SLC25A21: variants seen among roughly 807,000 people sequenced by gnomAD.
SLC25A21 encodes the protein mitochondrial 2-oxodicarboxylate carrier.
In SLC25A21, 47 loss-of-function variants were observed where a neutral mutation model predicts 43.8. That is an observed-to-expected ratio of 1.07 (90% CI 0.85 to 1.37). The LOEUF (loss-of-function observed/expected upper bound fraction) is 1.37. SLC25A21 is among the 40% of genes most tolerant of loss of function. The pLI, the probability that SLC25A21 is intolerant of heterozygous loss-of-function variation, is 0.00. For synonymous variants in SLC25A21, 131 were observed against 121.3 expected, an observed-to-expected ratio of 1.08 and a Z score of -0.52; for missense variants, 352 against 350.2, an observed-to-expected ratio of 1.00 and a Z score of -0.04.
intron 1 of SLC25A21, among the ~76,000 whole-genome samples, chr14:37,068,901 G>A (rs1446467108): frequency 3.9e-5 from 6 of 152,112 alleles, no homozygotes; most frequent in African/African-American, 1.2e-4. Flanking sequence ...TTGGCCAGGC[G>A]CGGTGGCTCA....
intron 1 of SLC25A21, among the ~76,000 whole-genome samples, chr14:36,880,607 T>C (rs1231291888): frequency 3.3e-5 from 5 of 151,114 alleles, no homozygotes; most frequent in Admixed American, 6.7e-5. Context: ...AGTAAATTAA[T>C]GCTCATTAGG....
In SLC25A21 at chr14:37,172,084, G is replaced by C. The variant is rs770771332; in HGVS notation, c.70+197C>G. On this transcript the variant is annotated intron_variant, in intron 1 of 9. Coordinates refer to ENST00000331299, the MANE Select transcript of SLC25A21 (RefSeq NM_030631.4). ...CGCGGACGCCGAGGCAACTTTACTT[G>C]GGGCACCCACTACTCGCAATCAACT... is the stretch of plus-strand genomic sequence containing the variant. 164 of 571,678 alleles carry C rather than the reference G, an allele frequency of 2.9e-4. 3 individuals are homozygous for C. The highest frequency in any genetic ancestry group is 3.3e-5 in the Non-Finnish European group (11 of 328,756). 35.4% of individuals were successfully genotyped at this position (571,678 alleles called of 1,614,324 possible). A position where few individuals can be genotyped will look rare whatever the true frequency, so the allele number is the denominator to read the frequency against.
chr14:37,100,779 T>C (rs113579786), intron 1 of SLC25A21, among the ~76,000 whole-genome samples: 17 of 152,340 alleles, frequency 1.1e-4, no homozygotes, highest in African/African-American at 4.1e-4. Flanking sequence ...TCAGTCCACC[T>C]GCCTGGGCAA....
At chr14:37,135,821 G>A (rs959639709) in intron 1 of SLC25A21, among the ~76,000 whole-genome samples, 1 of 152,180 alleles carries the variant, frequency 6.6e-6, no homozygotes, top group South Asian at 2.1e-4. Flanking sequence ...CATGCGTTAC[G>A]TGACCTCCTC....
At chr14:36,902,759 G>A (rs757527809) in intron 1 of SLC25A21, among the ~76,000 whole-genome samples, 4 of 151,996 alleles carry the variant, frequency 2.6e-5, no homozygotes, top group African/African-American at 7.3e-5. Flanking sequence ...CTTATTTAGC[G>A]GCCAAGGTGG....
chr14:36,997,755 G>T (rs1454325317), intron 1 of SLC25A21, among the ~76,000 whole-genome samples: 1 of 151,682 alleles, frequency 6.6e-6, no homozygotes, highest in East Asian at 1.9e-4. Context: ...CTTGAACCTG[G>T]GAGGCAGAGG....
chr14:36,810,420 G>T (rs1211009572), intron 3 of SLC25A21, among the ~76,000 whole-genome samples: 1 of 152,138 alleles, frequency 6.6e-6, no homozygotes, highest in Non-Finnish European at 1.5e-5. Flanking sequence ...TTACTGTTTT[G>T]CAGGAAAGGG....
At chr14:36,931,714 T>G (rs1052031249) in intron 1 of SLC25A21, among the ~76,000 whole-genome samples, 1 of 152,062 alleles carries the variant, frequency 6.6e-6, no homozygotes, top group Non-Finnish European at 1.5e-5. Context: ...TCTAATGCAG[T>G]AAAGCAGGTA....
intron 1 of SLC25A21, among the ~76,000 whole-genome samples, chr14:37,054,952 T>C (rs1419507705): frequency 1.3e-5 from 2 of 152,164 alleles, no homozygotes; most frequent in African/African-American, 4.8e-5. Context: ...GAGAAACATT[T>C]CCAGGGAGAA....
At chr14:36,996,216 T>G (rs1960368294) in intron 1 of SLC25A21, among the ~76,000 whole-genome samples, 1 of 152,178 alleles carries the variant, frequency 6.6e-6, no homozygotes, top group Non-Finnish European at 1.5e-5. Context: ...TATCTAATAT[T>G]CAGCTAACTT....
chr14:36,960,957 A>G (rs947450717), intron 1 of SLC25A21, among the ~76,000 whole-genome samples: 2 of 152,210 alleles, frequency 1.3e-5, no homozygotes, highest in African/African-American at 4.8e-5. Context: ...TATGGAATTC[A>G]ACAGCAGTCA....
chr14:36,927,667 G>C (rs965102169), intron 1 of SLC25A21, among the ~76,000 whole-genome samples: 1 of 152,130 alleles, frequency 6.6e-6, no homozygotes, highest in African/African-American at 2.4e-5. Context: ...TACTAATGTG[G>C]AGAGTCAATC....
At position 36,680,587 on chromosome 14, in the gene SLC25A21, A is replaced by G. The variant is rs1882193352; in HGVS notation, c.*71T>C. On this transcript the variant is annotated 3_prime_UTR_variant, in exon 10 of 10. Transcript: ENST00000331299. Reference sequence around the variant, plus strand: ...ATAATTATACACCTGGCCGATCGATAGTCTCTCTTCTTCATGGTGCTGCAT... The same window carrying G: ...ATAATTATACACCTGGCCGATCGATGGTCTCTCTTCTTCATGGTGCTGCAT... 1.3e-6 allele frequency: 2 copies of G among 1,539,436 alleles called. No homozygotes were observed. The highest frequency in any genetic ancestry group is 1.8e-6 in the Non-Finnish European group (2 of 1,142,398).
intron 2 of SLC25A21, among the ~76,000 whole-genome samples, chr14:36,838,231 T>C (rs1180889859): frequency 1.3e-5 from 2 of 152,198 alleles, no homozygotes; most frequent in Non-Finnish European, 2.9e-5. Flanking sequence ...CTTGCTGATA[T>C]GGAGTTCAGC....
At chr14:36,774,292 A>G (rs1451483957) in intron 3 of SLC25A21, among the ~76,000 whole-genome samples, 2 of 152,196 alleles carry the variant, frequency 1.3e-5, no homozygotes, top group African/African-American at 4.8e-5. Context: ...AGGTATGGGG[A>G]GTAGTCAACT....
chr14:37,115,333 T>C (rs1455773056), intron 1 of SLC25A21, among the ~76,000 whole-genome samples: 1 of 152,150 alleles, frequency 6.6e-6, no homozygotes, highest in Non-Finnish European at 1.5e-5. Context: ...CTGCTCTGCA[T>C]CACTAGTTTG....
At chr14:37,128,463 CTAAAG>C (rs765152528) in intron 1 of SLC25A21, among the ~76,000 whole-genome samples, 13 of 151,480 alleles carry the variant, frequency 8.6e-5, no homozygotes, top group African/African-American at 1.7e-4. Context: ...TTTTTCAACT[CTAAAG>C]TAAATACAAG....
At chr14:36,715,457 T>C (rs1438656656) in intron 6 of SLC25A21, among the ~76,000 whole-genome samples, 1 of 152,236 alleles carries the variant, frequency 6.6e-6, no homozygotes, top group African/African-American at 2.4e-5. Context: ...CTGATTAGCA[T>C]CATCAGCCAA....
At chr14:36,687,665 C>G (rs376908625) in intron 7 of SLC25A21, among the ~76,000 whole-genome samples, 4 of 152,138 alleles carry the variant, frequency 2.6e-5, no homozygotes, top group Admixed American at 6.5e-5. Context: ...CCTGTGTGTG[C>G]GAGGACAACT....
Sources: gnomAD v4.1 joint callset for allele counts (sites outside exome capture counted in the v4.1 genomes callset) on GRCh38, gnomAD v4.1.1 for gene constraint, MANE v1.5 for transcripts, NCBI Gene and HGNC (gene_info 2026-07-23, HGNC 2026-07-21) for gene names.